SLC25A33: variants seen among roughly 807,000 people sequenced by gnomAD.
The protein encoded by SLC25A33 is bone marrow stromal cell mitochondrial carrier protein.
SLC25A33 carries 15 observed loss-of-function variants against 35.5 expected under a neutral mutation model. The ratio of observed to expected loss-of-function variants is 0.42; its 90% CI spans 0.28 to 0.65. The LOEUF is 0.65. Ranked by LOEUF, SLC25A33 falls within the 30% of genes least tolerant of loss-of-function variation. The pLI, the probability that SLC25A33 is intolerant of heterozygous loss-of-function variation, is 0.20. For missense variants in SLC25A33, 257 were observed against 398.5 expected (o/e 0.64, Z 3.02); for synonymous variants, 136 against 148.7 (o/e 0.91, Z 0.62).
chr1:9,559,945 A>T (rs1157856759), intron 2 of SLC25A33, among the ~76,000 whole-genome samples: 1 of 152,174 alleles, frequency 6.6e-6, no homozygotes, highest in Admixed American at 6.5e-5. Flanking sequence ...TTTGGAAGAC[A>T]CTTTGTTATT....
At chr1:9,556,634 C>A (rs1227355446) in intron 2 of SLC25A33, among the ~76,000 whole-genome samples, 3 of 151,830 alleles carry the variant, frequency 2.0e-5, no homozygotes, top group Non-Finnish European at 4.4e-5. Context: ...TTTCTAATCT[C>A]CAGTAAATCC....
intron 1 of SLC25A33, among the ~76,000 whole-genome samples, chr1:9,553,230 G>GTTTTTT (rs1340250968): frequency 1.9e-3 from 174 of 91,206 alleles, no homozygotes; most frequent in Non-Finnish European, 2.3e-3. Flanking sequence ...TTTTTTTTGG[G>GTTTTTT]TTTTTTTTTT....
intron 1 of SLC25A33, among the ~76,000 whole-genome samples, chr1:9,541,928 T>C (rs1408896533): frequency 6.6e-6 from 1 of 151,976 alleles, no homozygotes; most frequent in Non-Finnish European, 1.5e-5. Context: ...GCCTCCCGAA[T>C]AGCTGGGACT....
rs548565256 is a variant in SLC25A33, at chr1:9,575,944, C to T, written c.482+2532C>T. On this transcript the variant is annotated intron_variant, in intron 5 of 6. Coordinates refer to ENST00000302692, the MANE Select transcript of SLC25A33 (RefSeq NM_032315.3). ...CATATGCTGTCCCTCACCAGAGATTCCCCCTTCCCCTTCCTGGTCATGCTG... is the reference window on the plus strand; with the variant it reads ...CATATGCTGTCCCTCACCAGAGATTTCCCCTTCCCCTTCCTGGTCATGCTG... Among the ~76,000 whole-genome samples the T allele has an allele frequency of 1.7e-4, 26 of 152,304 alleles. No individual in the cohort carries two copies. In the East Asian group the frequency reaches 5.0e-3, roughly 29 times the overall value.
intron 2 of SLC25A33, among the ~76,000 whole-genome samples, chr1:9,557,996 C>A (rs1388918791): frequency 2.0e-5 from 3 of 152,174 alleles, no homozygotes; most frequent in Non-Finnish European, 4.4e-5. Flanking sequence ...GGTGTATACA[C>A]TTACGAAGAA....
chr1:9,547,399 A>G (rs1643189707), intron 1 of SLC25A33, among the ~76,000 whole-genome samples: 1 of 151,930 alleles, frequency 6.6e-6, no homozygotes, highest in East Asian at 1.9e-4. Flanking sequence ...GGTTGCAGTG[A>G]GCTGAGATTG....
intron 2 of SLC25A33, among the ~76,000 whole-genome samples, chr1:9,564,396 G>A (rs1044867760): frequency 5.9e-5 from 9 of 152,092 alleles, no homozygotes; most frequent in Admixed American, 2.6e-4. Context: ...TAGGATTACC[G>A]TGTGATCCAG....
At chr1:9,581,631 A>G (rs1643745972) in intron 6 of SLC25A33, among the ~76,000 whole-genome samples, 1 of 151,742 alleles carries the variant, frequency 6.6e-6, no homozygotes, top group African/African-American at 2.4e-5. Context: ...CAGGAGGCTG[A>G]GGCAGGAGAA....
chr1:9,582,780 G>A lies in SLC25A33; in HGVS notation c.*279G>A. 2 of 399,008 alleles carry A rather than the reference G, an allele frequency of 5.0e-6. No homozygotes were observed. Among genetic ancestry groups the A allele is most frequent in the Non-Finnish European group, 9.0e-6 (2 of 221,250 alleles). The allele number at this position is 399,008 out of a possible 1,614,324, so 24.7% of individuals were successfully genotyped here. A position where few individuals can be genotyped will look rare whatever the true frequency, so the allele number is the denominator to read the frequency against. On this transcript the variant is annotated 3_prime_UTR_variant, in exon 7 of 7. Coordinates refer to ENST00000302692, the MANE Select transcript of SLC25A33 (RefSeq NM_032315.3). This position sits in a 1 kb window ranked among gnomAD's most constrained non-coding sequence, Gnocchi z 4.0. ...GCTATTTAATTTAAGTATACATTTG[G>A]CTTGTGTCCTCTTTTATGCTCACTA...
At chr1:9,543,020 G>C (rs760281472) in intron 1 of SLC25A33, among the ~76,000 whole-genome samples, 6 of 152,090 alleles carry the variant, frequency 3.9e-5, no homozygotes, top group Admixed American at 1.3e-4. Flanking sequence ...GTTTTGCCAC[G>C]TTGGCTAGGC....
chr1:9,570,582 A>G (rs941141435), intron 4 of SLC25A33, among the ~76,000 whole-genome samples: 1 of 151,602 alleles, frequency 6.6e-6, no homozygotes, highest in Non-Finnish European at 1.5e-5. Flanking sequence ...CAAAATGTAC[A>G]TGTTCTATGC....
At chr1:9,549,621 C>CT (rs869101305) in intron 1 of SLC25A33, among the ~76,000 whole-genome samples, 11,203 of 135,148 alleles carry the variant, frequency 0.083, 1,030 homozygotes, top group African/African-American at 0.23. Context: ...CATCACAAAC[C>CT]TTTTTTTTTT....
chr1:9,580,370 G>A, intron 6 of SLC25A33, 136 bp downstream of exon 6: 1 of 1,121,548 alleles, frequency 8.9e-7, no homozygotes, highest in Non-Finnish European at 1.3e-6. Context: ...GAGGGAAACA[G>A]CTCTAACCGC....
At chr1:9,547,238 G>T (rs1445474412) in intron 1 of SLC25A33, among the ~76,000 whole-genome samples, 1 of 152,158 alleles carries the variant, frequency 6.6e-6, no homozygotes, top group East Asian at 1.9e-4. Context: ...CAGATCACCT[G>T]AGGTCAGGAG....
chr1:9,569,854 C>G (rs1252700897), intron 3 of SLC25A33, among the ~76,000 whole-genome samples: 1 of 151,804 alleles, frequency 6.6e-6, no homozygotes, highest in East Asian at 1.9e-4. Context: ...AAAAACAGTT[C>G]AAATTATGTT....
At chr1:9,555,407 C>G (rs1273297390) in intron 2 of SLC25A33, among the ~76,000 whole-genome samples, 1 of 151,910 alleles carries the variant, frequency 6.6e-6, no homozygotes, top group Non-Finnish European at 1.5e-5. Flanking sequence ...CGTGAGCCAC[C>G]GCACCCAGCC....
At chr1:9,540,657 C>G (rs1643065945) in intron 1 of SLC25A33, among the ~76,000 whole-genome samples, 2 of 152,086 alleles carry the variant, frequency 1.3e-5, no homozygotes, top group Non-Finnish European at 2.9e-5. Flanking sequence ...ATTTGAGGAC[C>G]TCATCGGCCT....
chr1:9,569,499 C>T (rs1371605101), intron 3 of SLC25A33, among the ~76,000 whole-genome samples: 1 of 152,202 alleles, frequency 6.6e-6, no homozygotes, highest in East Asian at 1.9e-4. Context: ...TAACCTGATG[C>T]AGATTCCTGA....
intron 1 of SLC25A33, among the ~76,000 whole-genome samples, chr1:9,541,733 TA>T (rs763050739): frequency 0.023 from 3,166 of 136,236 alleles, 90 homozygotes; most frequent in African/African-American, 0.061. Flanking sequence ...AAGGATCATT[TA>T]AAAAAAAAAA....
Sources: allele counts gnomAD v4.1 joint callset (sites outside exome capture counted in the v4.1 genomes callset), GRCh38; gene constraint gnomAD v4.1.1; non-coding constraint Gnocchi (gnomAD v3.1); transcripts MANE v1.5; gene names NCBI Gene and HGNC (gene_info 2026-07-23, HGNC 2026-07-21).